CACNA2D1: variants seen among roughly 807,000 people sequenced by gnomAD.
CACNA2D1 encodes voltage-dependent calcium channel subunit alpha-2/delta-1.
In CACNA2D1, 53 loss-of-function variants were observed where a neutral mutation model predicts 171.5. That is an observed-to-expected ratio of 0.31 (90% CI 0.25 to 0.39). The LOEUF is 0.39. Ranked by LOEUF, CACNA2D1 falls within the 10% of genes least tolerant of loss-of-function variation. The probability of loss-of-function intolerance (pLI) is 1.00; values close to 1 mark genes in which losing one functional copy is unlikely to be tolerated. For missense variants in CACNA2D1, 903 were observed against 1,299.8 expected (o/e 0.69, Z 4.69); for synonymous variants, 442 against 443.1 (o/e 1.00, Z 0.03).
At chr7:82,263,556 A>C (rs1214916462) in intron 3 of CACNA2D1, among the ~76,000 whole-genome samples, 1 of 152,222 alleles carries the variant, frequency 6.6e-6, no homozygotes, top group Non-Finnish European at 1.5e-5. Flanking sequence ...TAACTCTGAA[A>C]TTATAAATGA....
At chr7:82,272,968 T>C (rs1808835018) in intron 3 of CACNA2D1, among the ~76,000 whole-genome samples, 2 of 152,146 alleles carry the variant, frequency 1.3e-5, no homozygotes, top group Admixed American at 1.3e-4. Flanking sequence ...AGCCACTTTA[T>C]TTTGAGGTAA....
intron 1 of CACNA2D1, among the ~76,000 whole-genome samples, chr7:82,386,940 T>C (rs1395976861): frequency 6.6e-6 from 1 of 151,964 alleles, no homozygotes; most frequent in African/African-American, 2.4e-5. Flanking sequence ...CAAGTAAATA[T>C]AATTACATCT....
intron 3 of CACNA2D1, among the ~76,000 whole-genome samples, chr7:82,175,934 T>C (rs1796503482): frequency 7.1e-6 from 1 of 140,870 alleles, no homozygotes; most frequent in African/African-American, 3.1e-5. Flanking sequence ...GCGAAATAAA[T>C]GAAAAAAAAT....
chr7:82,392,645 C>A (rs190769964), intron 1 of CACNA2D1, among the ~76,000 whole-genome samples: 1 of 152,280 alleles, frequency 6.6e-6, no homozygotes, highest in African/African-American at 2.4e-5. Context: ...AAGTCCCTGA[C>A]TGGCAAAGTG....
chr7:82,186,230 AGAAGGAAGGAAGGAAGGAAGGAAGAAAG>A (rs1797739783), intron 3 of CACNA2D1, among the ~76,000 whole-genome samples: 2 of 108,522 alleles, frequency 1.8e-5, no homozygotes, highest in African/African-American at 3.6e-5. Flanking sequence ...AGAGAGAGAG[AGAAGGAAGGAAGGAAGGAAGGAAGAAAG>A]GAAGGAAGGA....
At chr7:82,046,709 A>C (rs1315895923) in intron 10 of CACNA2D1, among the ~76,000 whole-genome samples, 1 of 152,180 alleles carries the variant, frequency 6.6e-6, no homozygotes, top group Non-Finnish European at 1.5e-5. Context: ...ATGTCTAAAA[A>C]ATGGCACCAG....
At chr7:82,224,022 G>A (rs1397711737) in intron 3 of CACNA2D1, among the ~76,000 whole-genome samples, 1 of 152,044 alleles carries the variant, frequency 6.6e-6, no homozygotes, top group Non-Finnish European at 1.5e-5. Context: ...TCCCTTGCCT[G>A]GAACGTGCTT....
chr7:82,364,212 T>C (rs1418384282), intron 1 of CACNA2D1, among the ~76,000 whole-genome samples: 1 of 152,034 alleles, frequency 6.6e-6, no homozygotes, highest in African/African-American at 2.4e-5. Flanking sequence ...GATAGAGACC[T>C]GTGTCAAAAA....
At chr7:82,035,988 T>A (rs1803248322) in intron 11 of CACNA2D1, among the ~76,000 whole-genome samples, 1 of 152,178 alleles carries the variant, frequency 6.6e-6, no homozygotes, top group South Asian at 2.1e-4. Flanking sequence ...TCTGTCTTCT[T>A]AATCTAACGG....
intron 6 of CACNA2D1, among the ~76,000 whole-genome samples, chr7:82,101,509 G>C (rs1043870175): frequency 2.0e-5 from 3 of 152,078 alleles, no homozygotes; most frequent in Non-Finnish European, 4.4e-5. Context: ...ATATTTTAAA[G>C]TATACTTTAT....
chr7:82,322,911 A>G (rs1017085292), intron 3 of CACNA2D1, among the ~76,000 whole-genome samples: 1 of 152,186 alleles, frequency 6.6e-6, no homozygotes, highest in Non-Finnish European at 1.5e-5. Flanking sequence ...TTTACAGAGG[A>G]AGGTTTAGAG....
rs996583512 is a variant in CACNA2D1, at chr7:81,973,703, T to A, written c.2053+752A>T. On this transcript the variant is annotated intron_variant, in intron 25 of 38. Transcript: ENST00000356860. The stretch of plus-strand genomic sequence containing the variant: ...AAGATAAATTTTGCCATGAATTTGG[T>A]TTTCCTCTTATTTCCCATTTGTACG... Among the ~76,000 whole-genome samples the A allele has an allele frequency of 7.9e-4, 120 of 151,996 alleles. 1 individual carries two copies. The highest frequency in any genetic ancestry group is 2.2e-4 in the Non-Finnish European group (15 of 67,948).
rs1175669440 is a variant in CACNA2D1, at chr7:81,974,479, T to G, written c.2029A>C (p.Arg677=). The change falls in exon 25 of 39, where the codon AGA becomes CGA. Residue 677 remains arginine, a synonymous_variant. Coordinates refer to ENST00000356860, the MANE Select transcript of CACNA2D1 (RefSeq NM_000722.4). Reference sequence around the variant, plus strand: ...CATGATGGGTTGTTTGGAGTTTTTCTATCAATAAACTCGTTGAAATTTAAA... The same window carrying G: ...CATGATGGGTTGTTTGGAGTTTTTCGATCAATAAACTCGTTGAAATTTAAA... The part of the protein sequence containing the change: ...FLLNFNEFID[R]KTPNNPSCNA... 6.4e-7 allele frequency: 1 copy of G among 1,558,490 alleles called. No individual in the cohort carries two copies. Among genetic ancestry groups the G allele is most frequent in the South Asian group, 1.1e-5 (1 of 89,556 alleles).
chr7:82,080,631 A>C (rs1809633152), intron 7 of CACNA2D1, among the ~76,000 whole-genome samples: 2 of 152,200 alleles, frequency 1.3e-5, no homozygotes, highest in Admixed American at 6.5e-5. Context: ...CAAGTTATTC[A>C]TTGCTTATTT....
chr7:82,345,025 T>C (rs1051009841), intron 2 of CACNA2D1, among the ~76,000 whole-genome samples: 1 of 152,178 alleles, frequency 6.6e-6, no homozygotes, highest in Admixed American at 6.6e-5. Flanking sequence ...CGCGTCTTGC[T>C]GATTCCCTAG....
At chr7:82,174,652 C>A (rs965551744) in intron 3 of CACNA2D1, among the ~76,000 whole-genome samples, 1 of 151,948 alleles carries the variant, frequency 6.6e-6, no homozygotes, top group Non-Finnish European at 1.5e-5. Flanking sequence ...AACCAAAACA[C>A]TAGAATTCAA....
At chr7:82,345,192 A>C (rs1819106418) in intron 2 of CACNA2D1, among the ~76,000 whole-genome samples, 2 of 152,310 alleles carry the variant, frequency 1.3e-5, no homozygotes, top group African/African-American at 4.8e-5. Context: ...ACTAATGAAA[A>C]GAAATTCTTC....
chr7:82,042,849 G>C (rs1467595959), intron 10 of CACNA2D1, among the ~76,000 whole-genome samples: 1 of 152,138 alleles, frequency 6.6e-6, no homozygotes, highest in South Asian at 2.1e-4. Flanking sequence ...CCAATACTAA[G>C]CTCTCTTAAA....
intron 1 of CACNA2D1, among the ~76,000 whole-genome samples, chr7:82,378,041 T>C (rs763552352): frequency 6.6e-6 from 1 of 152,204 alleles, no homozygotes; most frequent in Non-Finnish European, 1.5e-5. Context: ...ATATAGCTAC[T>C]TAGCATTACC....
Sources: allele counts gnomAD v4.1 joint callset (sites outside exome capture counted in the v4.1 genomes callset), GRCh38; gene constraint gnomAD v4.1.1; transcripts MANE v1.5; gene names NCBI Gene and HGNC (gene_info 2026-07-23, HGNC 2026-07-21).